Variants in PAPPA2 observed in about 807,000 individuals in gnomAD.
PAPPA2 encodes pappalysin 2, also known as pappalysin-2.
Under a neutral mutation model 176.4 loss-of-function variants are expected in PAPPA2, and 86 were observed. That is an observed-to-expected ratio of 0.49 (90% confidence interval 0.41 to 0.58). The LOEUF is 0.58. PAPPA2 is among the 20% of genes least tolerant of loss of function. The pLI, the probability that PAPPA2 is intolerant of heterozygous loss-of-function variation, is 0.00. For synonymous variants in PAPPA2, 809 were observed against 852.2 expected (o/e 0.95, Z 0.88); for missense variants, 2,073 against 2,256.9 (o/e 0.92, Z 1.65).
rs1219030112 is a variant in PAPPA2 at position 176,829,858 on chromosome 1, G to A, written c.5203-10315G>A. Among the ~76,000 whole-genome samples, 4 of 152,218 alleles carry A rather than the reference G, an allele frequency of 2.6e-5. No homozygotes were observed. In the East Asian group the frequency reaches 7.7e-4, roughly 29 times the overall value. On this transcript the variant is annotated intron_variant, in intron 21 of 22. Transcript: ENST00000367662. ...GTGGCCACCTAGAGAGGTGACCAGA[G>A]AAAGGCACTGGAAGGTCCCACCTTA... is the stretch of plus-strand genomic sequence containing the variant.
chr1:176,776,202 A>G (rs142446587), intron 17 of PAPPA2, among the ~76,000 whole-genome samples: 2 of 152,244 alleles, frequency 1.3e-5, no homozygotes, highest in Non-Finnish European at 2.9e-5. Context: ...TTTCACTTCC[A>G]TGGTTGCCTT....
chr1:176,634,109 A>T (rs1012367503), intron 3 of PAPPA2, among the ~76,000 whole-genome samples: 3 of 152,030 alleles, frequency 2.0e-5, no homozygotes, highest in Non-Finnish European at 4.4e-5. Flanking sequence ...ACCCAAAGGG[A>T]TATAAATCAT....
At chr1:176,808,156 T>A (rs1418762380) in intron 21 of PAPPA2, among the ~76,000 whole-genome samples, 1 of 150,888 alleles carries the variant, frequency 6.6e-6, no homozygotes, top group African/African-American at 2.5e-5. Context: ...AAAAAAAAAA[T>A]GCTTAAGAAT....
intron 3 of PAPPA2, among the ~76,000 whole-genome samples, chr1:176,638,880 G>A (rs570484874): frequency 1.1e-4 from 17 of 151,440 alleles, no homozygotes; most frequent in African/African-American, 3.9e-4. Flanking sequence ...AATCTCTCTG[G>A]CCTAAAAATA....
At chr1:176,607,333 GT>G (rs1192700622) in intron 3 of PAPPA2, among the ~76,000 whole-genome samples, 1 of 152,112 alleles carries the variant, frequency 6.6e-6, no homozygotes, top group Non-Finnish European at 1.5e-5. Flanking sequence ...TTGCATGTTT[GT>G]ACCTGTTAAC....
chr1:176,795,114 A>G (rs1313519107), intron 20 of PAPPA2, among the ~76,000 whole-genome samples: 1 of 152,228 alleles, frequency 6.6e-6, no homozygotes, highest in Admixed American at 6.5e-5. Context: ...CTGTTGTCCA[A>G]GGCACCTGCA....
intron 3 of PAPPA2, among the ~76,000 whole-genome samples, chr1:176,613,676 A>G (rs549232821): frequency 1.1e-3 from 175 of 152,310 alleles, no homozygotes; most frequent in African/African-American, 4.1e-3. Context: ...CCATAGGTTT[A>G]TCATCGTATT....
chr1:176,754,045 T>G (rs1455629182), intron 14 of PAPPA2, among the ~76,000 whole-genome samples: 1 of 149,022 alleles, frequency 6.7e-6, no homozygotes, highest in East Asian at 2.0e-4. Flanking sequence ...TTTCAACTCA[T>G]GAGGTTATAG....
intron 3 of PAPPA2, among the ~76,000 whole-genome samples, chr1:176,646,397 T>A (rs1007382197): frequency 9.9e-5 from 15 of 151,454 alleles, no homozygotes; most frequent in African/African-American, 3.6e-4. Context: ...CATTTATCCT[T>A]TCTTTGCATT....
intron 3 of PAPPA2, among the ~76,000 whole-genome samples, chr1:176,621,796 C>T (rs933569114): frequency 1.3e-5 from 2 of 152,070 alleles, no homozygotes; most frequent in Non-Finnish European, 2.9e-5. Context: ...CCACAAATGC[C>T]AGGAAACATT....
chr1:176,796,080 A>G (rs558391845), intron 20 of PAPPA2, among the ~76,000 whole-genome samples: 1 of 152,282 alleles, frequency 6.6e-6, no homozygotes, highest in African/African-American at 2.4e-5. Flanking sequence ...CCCCACCCCC[A>G]AAGTGTCCTC....
chr1:176,517,522 A>G (rs1648981008), intron 1 of PAPPA2, among the ~76,000 whole-genome samples: 1 of 152,176 alleles, frequency 6.6e-6, no homozygotes, highest in Non-Finnish European at 1.5e-5. Context: ...GATACCCATG[A>G]CAGCTCTTCT....
At chr1:176,827,548 C>A (rs1666908125) in intron 21 of PAPPA2, among the ~76,000 whole-genome samples, 1 of 152,194 alleles carries the variant, frequency 6.6e-6, no homozygotes, top group African/African-American at 2.4e-5. Context: ...ATGCTCCAGG[C>A]AGGTCCTCTT....
In PAPPA2 at chr1:176,711,906, T is replaced by G. The variant is rs1221684451; in HGVS notation, c.3723T>G (p.Ser1241Arg). 1.9e-6 allele frequency: 3 copies of G among 1,613,624 alleles called. No individual in the cohort carries two copies. The highest frequency in any genetic ancestry group is 1.1e-5 in the South Asian group (1 of 91,050). ...PLTGWFPCVASENETQDDRSE... is the reference protein window; with the variant it reads ...PLTGWFPCVARENETQDDRSE... Reference sequence around the variant, plus strand: ...CTGGCTGGTTTCCCTGTGTTGCCAGTGAAAATGAAACTCAGGATGACAGGA... The same window carrying G: ...CTGGCTGGTTTCCCTGTGTTGCCAGGGAAAATGAAACTCAGGATGACAGGA... Residue 1241 changes from serine (S) to arginine (R), a missense_variant, in exon 12 of 23, where the codon AGT becomes AGG. Transcript: ENST00000367662.
At chr1:176,671,201 AAGAC>A (rs762871750) in intron 4 of PAPPA2, 86 bp downstream of exon 4, 4 of 1,543,580 alleles carry the variant, frequency 2.6e-6, no homozygotes, top group South Asian at 2.4e-5. Context: ...GGAAAAAAGA[AAGAC>A]AGAGAAAAAG....
intron 1 of PAPPA2, among the ~76,000 whole-genome samples, chr1:176,506,918 G>C (rs1461040423): frequency 6.6e-6 from 1 of 151,874 alleles, no homozygotes; most frequent in African/African-American, 2.4e-5. Flanking sequence ...AAAGGCAATT[G>C]CAACCAAAAA....
At chr1:176,699,858 C>T (rs1660567121) in intron 8 of PAPPA2, among the ~76,000 whole-genome samples, 1 of 152,102 alleles carries the variant, frequency 6.6e-6, no homozygotes, top group Non-Finnish European at 1.5e-5. Context: ...AACATAATTG[C>T]TACAAATAAG....
At chr1:176,667,476 C>T (rs964439327) in intron 3 of PAPPA2, among the ~76,000 whole-genome samples, 1 of 152,030 alleles carries the variant, frequency 6.6e-6, no homozygotes, top group African/African-American at 2.4e-5. Context: ...TTTACAGGAG[C>T]AGAGAAAACT....
chr1:176,560,042 C>G (rs1225005212), intron 2 of PAPPA2, among the ~76,000 whole-genome samples: 1 of 152,158 alleles, frequency 6.6e-6, no homozygotes, highest in Non-Finnish European at 1.5e-5. Flanking sequence ...TAGGCAGCCA[C>G]GTAGTGGGGA....
Sources: gnomAD v4.1 joint callset for allele counts (sites outside exome capture counted in the v4.1 genomes callset) on GRCh38, gnomAD v4.1.1 for gene constraint, MANE v1.5 for transcripts, NCBI Gene and HGNC (gene_info 2026-07-23, HGNC 2026-07-21) for gene names.